The following DLG2 variants were observed in gnomAD, a reference collection of about 807,000 sequenced individuals.
The protein encoded by DLG2 is discs large MAGUK scaffold protein 2.
In DLG2, 45 loss-of-function variants were observed where a neutral mutation model predicts 132.5. The observed-to-expected ratio is 0.34, with a 90% confidence interval of 0.27 to 0.44. DLG2 has a LOEUF of 0.44. Ranked by LOEUF, DLG2 falls within the 20% of genes least tolerant of loss-of-function variation. DLG2 has a pLI of 1.00. For missense variants in DLG2, 1,045 were observed against 1,196.9 expected (o/e 0.87, Z 1.87); for synonymous variants, 424 against 419.6 (o/e 1.01, Z -0.13).
chr11:85,152,086 T>G (rs1435309176), intron 5 of DLG2, among the ~76,000 whole-genome samples: 2 of 152,124 alleles, frequency 1.3e-5, no homozygotes, highest in Non-Finnish European at 2.9e-5. Flanking sequence ...AAAATTCTTG[T>G]TAATTAGAAG....
intron 3 of DLG2, among the ~76,000 whole-genome samples, chr11:85,528,181 T>C (rs1474691788): frequency 1.3e-5 from 2 of 152,244 alleles, no homozygotes; most frequent in African/African-American, 4.8e-5. Flanking sequence ...AGACGCTCTT[T>C]AGTTTAATTA....
chr11:84,682,247 T>A (rs1478312682), intron 6 of DLG2, among the ~76,000 whole-genome samples: 1 of 152,176 alleles, frequency 6.6e-6, no homozygotes, highest in Admixed American at 6.5e-5. Flanking sequence ...AGTCCCAACA[T>A]AGTCACTGTC....
At chr11:85,401,228 T>C (rs777246037) in intron 3 of DLG2, among the ~76,000 whole-genome samples, 5 of 151,938 alleles carry the variant, frequency 3.3e-5, no homozygotes, top group African/African-American at 1.2e-4. Flanking sequence ...ACAGAACCAA[T>C]GACAAAAATC....
rs1567588759 is a variant in DLG2 at position 84,420,645 on chromosome 11, G to GTTTTT, written c.519+113924_519+113925insAAAAA. 7.2e-4 allele frequency among the ~76,000 whole-genome samples: 35 copies of GTTTTT among 48,946 alleles called. 1 individual carries two copies. The highest frequency in any genetic ancestry group is 3.0e-3 in the South Asian group (4 of 1,330). 32.1% of individuals were successfully genotyped at this position (48,946 alleles called of 152,430 possible). A position where few individuals can be genotyped will look rare whatever the true frequency, so the allele number is the denominator to read the frequency against. ...TGCCTCAGCACAGTGACCAATGCTT[G>GTTTTT]TTTTCTTTTTTTTTTTTTTTTTTTT... On this transcript the variant is annotated intron_variant, in intron 7 of 27. Transcript: ENST00000376104.
intron 7 of DLG2, among the ~76,000 whole-genome samples, chr11:84,282,826 A>G (rs1213455532): frequency 5.9e-5 from 9 of 152,182 alleles, no homozygotes; most frequent in Non-Finnish European, 1.0e-4. Flanking sequence ...TTGCTTTGAC[A>G]TGCTTCAATG....
At chr11:83,536,140 G>A (rs2095871522) in intron 20 of DLG2, among the ~76,000 whole-genome samples, 1 of 152,120 alleles carries the variant, frequency 6.6e-6, no homozygotes, top group South Asian at 2.1e-4. Flanking sequence ...GATAACCAAT[G>A]TACCCTTGCA....
chr11:84,055,771 T>C (rs984397069), intron 11 of DLG2, among the ~76,000 whole-genome samples: 1 of 152,130 alleles, frequency 6.6e-6, no homozygotes, highest in African/African-American at 2.4e-5. Context: ...TTATTCCTAG[T>C]ACTTTTCCCA....
At chr11:84,642,384 A>G (rs985859592) in intron 6 of DLG2, among the ~76,000 whole-genome samples, 8 of 152,072 alleles carry the variant, frequency 5.3e-5, no homozygotes, top group African/African-American at 1.9e-4. Context: ...ATTTGTATGG[A>G]GTATAAATCA....
At chr11:83,833,587 G>C in intron 17 of DLG2, 27 bp downstream of exon 17, 1 of 1,596,536 alleles carries the variant, frequency 6.3e-7, no homozygotes, top group South Asian at 1.1e-5. Context: ...GATATGGAGG[G>C]AATAAAGATT....
intron 22 of DLG2, among the ~76,000 whole-genome samples, chr11:83,476,548 G>A (rs1364051619): frequency 6.6e-6 from 1 of 152,126 alleles, no homozygotes; most frequent in African/African-American, 2.4e-5. Flanking sequence ...TCCATAGGAT[G>A]TTCAGAAGAT....
At chr11:83,605,748 G>A (rs1044575533) in intron 19 of DLG2, among the ~76,000 whole-genome samples, 2 of 152,220 alleles carry the variant, frequency 1.3e-5, no homozygotes, top group South Asian at 2.1e-4. Context: ...AGCCAGGTTT[G>A]TGAATGGAAC....
intron 4 of DLG2, among the ~76,000 whole-genome samples, chr11:85,161,154 T>G (rs2078000256): frequency 6.6e-6 from 1 of 152,180 alleles, no homozygotes; most frequent in African/African-American, 2.4e-5. Context: ...CGCATGGGAT[T>G]GCTCTCCAAT....
chr11:83,975,241 ACT>A (rs1425708163), intron 12 of DLG2, among the ~76,000 whole-genome samples: 1 of 152,040 alleles, frequency 6.6e-6, no homozygotes, highest in Non-Finnish European at 1.5e-5. Flanking sequence ...ATGCTGTTAA[ACT>A]CTGACTACCA....
chr11:85,437,486 A>G (rs957715117), intron 3 of DLG2, among the ~76,000 whole-genome samples: 1 of 152,200 alleles, frequency 6.6e-6, no homozygotes, highest in Non-Finnish European at 1.5e-5. Flanking sequence ...AGCATCTACT[A>G]TGTACCCAGG....
chr11:83,675,959 A>C (rs1264947548), intron 18 of DLG2, among the ~76,000 whole-genome samples: 1 of 152,174 alleles, frequency 6.6e-6, no homozygotes, highest in African/African-American at 2.4e-5. Context: ...ACATTTGTAC[A>C]TTATGTATTG....
intron 12 of DLG2, among the ~76,000 whole-genome samples, chr11:83,977,704 T>C (rs2092398772): frequency 6.6e-6 from 1 of 152,128 alleles, no homozygotes; most frequent in South Asian, 2.1e-4. Flanking sequence ...AACAGACTAC[T>C]GTGCTTTTGC....
intron 6 of DLG2, among the ~76,000 whole-genome samples, chr11:84,623,264 C>T (rs1011786346): frequency 1.3e-5 from 2 of 152,048 alleles, no homozygotes; most frequent in African/African-American, 4.8e-5. Flanking sequence ...CGTAATGACC[C>T]CACCTTTTTT....
rs2099451771 is a variant in DLG2 at position 84,565,816 on chromosome 11, A to T, written c.358-31085T>A. On this transcript the variant is annotated intron_variant, in intron 6 of 27. Coordinates refer to ENST00000376104, the MANE Select transcript of DLG2 (RefSeq NM_001142699.3). Reference sequence around the variant, plus strand: ...TTAAATCCTTGAAGGCAGGAGCTATATTTTAAATATCTCTATATCTCTAGT... The same window carrying T: ...TTAAATCCTTGAAGGCAGGAGCTATTTTTTAAATATCTCTATATCTCTAGT... Among the ~76,000 whole-genome samples, 3 of 152,094 alleles carry T rather than the reference A, an allele frequency of 2.0e-5. 1 individual carries two copies. In the South Asian group the frequency reaches 6.2e-4, roughly 32 times the overall value.
chr11:85,233,121 GA>G (rs2075388123), intron 4 of DLG2, among the ~76,000 whole-genome samples: 1 of 151,786 alleles, frequency 6.6e-6, no homozygotes, highest in Admixed American at 6.6e-5. Flanking sequence ...CTTATAAGGA[GA>G]AAAGGCTTTC....
Sources: gnomAD v4.1 joint callset for allele counts (sites outside exome capture counted in the v4.1 genomes callset) on GRCh38, gnomAD v4.1.1 for gene constraint, MANE v1.5 for transcripts, NCBI Gene and HGNC (gene_info 2026-07-23, HGNC 2026-07-21) for gene names.